Variants in PIK3C2G observed in about 807,000 individuals in gnomAD.
PIK3C2G encodes the protein phosphatidylinositol 3-kinase C2 domain-containing subunit gamma.
A neutral mutation model predicts 181.1 loss-of-function variants in PIK3C2G; 168 were observed. That is an observed-to-expected ratio of 0.93 (90% CI 0.82 to 1.05). The LOEUF is 1.05. Ranked by LOEUF, PIK3C2G falls within the 50% of genes least tolerant of loss-of-function variation. PIK3C2G has a pLI of 0.00. For missense variants in PIK3C2G, 1,869 were observed against 1,732.8 expected, an observed-to-expected ratio of 1.08 and a Z score of -1.40; for synonymous variants, 573 against 592.2, an observed-to-expected ratio of 0.97 and a Z score of 0.47.
At chr12:18,381,355 T>G (rs2137963698) in intron 13 of PIK3C2G, among the ~76,000 whole-genome samples, 1 of 152,242 alleles carries the variant, frequency 6.6e-6, no homozygotes, top group South Asian at 2.1e-4. Flanking sequence ...TCCCAGGGGA[T>G]TTAGTCACTC....
chr12:18,682,471 T>A, the PIK3C2G span, among the ~76,000 whole-genome samples: 1 of 152,160 alleles, frequency 6.6e-6, no homozygotes, highest in East Asian at 1.9e-4. Context: ...TTGTTCTACA[T>A]GACATTTAAT....
chr12:18,575,415 T>C (rs944742899), intron 29 of PIK3C2G, among the ~76,000 whole-genome samples: 3 of 152,174 alleles, frequency 2.0e-5, no homozygotes, highest in Non-Finnish European at 4.4e-5. Flanking sequence ...ACAATAAATA[T>C]CTTCCCATTT....
At chr12:18,363,501 G>GGGCT (rs1941420189) in intron 12 of PIK3C2G, among the ~76,000 whole-genome samples, 1 of 151,740 alleles carries the variant, frequency 6.6e-6, no homozygotes, top group South Asian at 2.1e-4. Flanking sequence ...GAACCCCAGG[G>GGGCT]GGCTCATCAG....
chr12:18,268,449 CCA>C (rs1948603481), intron 1 of PIK3C2G, among the ~76,000 whole-genome samples: 1 of 151,978 alleles, frequency 6.6e-6, no homozygotes, highest in South Asian at 2.1e-4. Context: ...TTTCCCGAAA[CCA>C]CAGTCTATTT....
At chr12:18,478,897 C>A (rs964936332) in intron 18 of PIK3C2G, among the ~76,000 whole-genome samples, 4 of 151,160 alleles carry the variant, frequency 2.6e-5, no homozygotes, top group African/African-American at 9.7e-5. Context: ...TTCAGTGGAG[C>A]CTGTGAAGTA....
intron 13 of PIK3C2G, among the ~76,000 whole-genome samples, chr12:18,378,779 G>A (rs1004404733): frequency 1.4e-4 from 22 of 152,128 alleles, no homozygotes; most frequent in African/African-American, 5.3e-4. Flanking sequence ...ATCATTGCTG[G>A]CCATCACAGA....
chr12:18,458,277 T>G (rs922644087), intron 18 of PIK3C2G, among the ~76,000 whole-genome samples: 1 of 152,174 alleles, frequency 6.6e-6, no homozygotes, highest in Non-Finnish European at 1.5e-5. Context: ...TGTGAAGCAA[T>G]AATTTTCTGG....
intron 16 of PIK3C2G, among the ~76,000 whole-genome samples, chr12:18,414,561 T>A (rs1416098179): frequency 2.0e-5 from 3 of 152,070 alleles, no homozygotes; most frequent in Non-Finnish European, 4.4e-5. Flanking sequence ...CATAGTTATA[T>A]CATATTTAAT....
intron 31 of PIK3C2G, among the ~76,000 whole-genome samples, chr12:18,612,343 G>A (rs926486867): frequency 6.6e-6 from 1 of 151,966 alleles, no homozygotes; most frequent in Non-Finnish European, 1.5e-5. Context: ...CTACAACACT[G>A]CTCCTCTTTG....
chr12:18,719,412 T>C, the PIK3C2G span: 1 of 1,363,860 alleles, frequency 7.3e-7, no homozygotes, highest in Admixed American at 2.6e-5. Flanking sequence ...TGTAATAGAT[T>C]TAAAAATAAA....
chr12:18,334,225 A>C (rs181595935), intron 8 of PIK3C2G, among the ~76,000 whole-genome samples: 1 of 152,226 alleles, frequency 6.6e-6, no homozygotes, highest in East Asian at 1.9e-4. Flanking sequence ...TTGATCATAT[A>C]CCTGAATCTG....
chr12:18,307,163 C>G (rs184952508), intron 5 of PIK3C2G, among the ~76,000 whole-genome samples: 46 of 148,116 alleles, frequency 3.1e-4, no homozygotes, highest in African/African-American at 1.1e-3. Context: ...AACATATTGC[C>G]TCAGAAATAC....
At chr12:18,522,147 T>G (rs746360850) in intron 24 of PIK3C2G, among the ~76,000 whole-genome samples, 5 of 152,252 alleles carry the variant, frequency 3.3e-5, no homozygotes, top group African/African-American at 9.6e-5. Flanking sequence ...ATGGTTCTTT[T>G]CAATGGAAGC....
intron 1 of PIK3C2G, among the ~76,000 whole-genome samples, chr12:18,271,995 A>G (rs1422978338): frequency 1.3e-5 from 2 of 152,192 alleles, no homozygotes; most frequent in Admixed American, 6.5e-5. Context: ...CCTAACATCC[A>G]GAAAGCCCTG....
intron 1 of PIK3C2G, among the ~76,000 whole-genome samples, chr12:18,253,450 G>A (rs4405372): frequency 0.42 from 64,079 of 151,910 alleles, 14,141 homozygotes; most frequent in East Asian, 0.75. Flanking sequence ...ATATTATAGT[G>A]GGAGAGTAAA....
chr12:18,652,209 G>A (rs918540691), downstream of PIK3C2G, among the ~76,000 whole-genome samples: 5 of 152,040 alleles, frequency 3.3e-5, no homozygotes, highest in African/African-American at 7.2e-5. Flanking sequence ...TTAAGATGAG[G>A]TCATATGGAG....
In PIK3C2G at chr12:18,573,659, G is replaced by A. The variant is rs112458325; in HGVS notation, c.4011+6602G>A. Among the ~76,000 whole-genome samples the A allele has an allele frequency of 2.8e-3, 424 of 152,226 alleles. 1 individual carries two copies. Among genetic ancestry groups the A allele is most frequent in the Non-Finnish European group, 4.1e-3 (280 of 68,010 alleles). On this transcript the variant is annotated intron_variant, in intron 29 of 32. Transcript: ENST00000538779. ...TAGCTGTTTCAATTATTCTCATTAG[G>A]ATATTTGGACAAAATGGCCTAACCT...
chr12:18,516,205 G>C (rs984482646), intron 24 of PIK3C2G, among the ~76,000 whole-genome samples: 2 of 148,524 alleles, frequency 1.3e-5, no homozygotes, highest in African/African-American at 4.9e-5. Context: ...AAAAGTCTTT[G>C]TCTCTCCATG....
At chr12:18,438,090 A>G (rs1946544345) in intron 18 of PIK3C2G, among the ~76,000 whole-genome samples, 1 of 151,944 alleles carries the variant, frequency 6.6e-6, no homozygotes, top group Non-Finnish European at 1.5e-5. Context: ...CACAAACACT[A>G]GAGTCATTTT....
Sources: allele counts gnomAD v4.1 joint callset (sites outside exome capture counted in the v4.1 genomes callset), GRCh38; gene constraint gnomAD v4.1.1; transcripts MANE v1.5; gene names NCBI Gene and HGNC (gene_info 2026-07-23, HGNC 2026-07-21).